NCALD: variants seen among roughly 807,000 people sequenced by gnomAD.
The protein encoded by NCALD is neurocalcin delta, also known as neurocalcin-delta.
Under a neutral mutation model 18.6 loss-of-function variants are expected in NCALD, and 10 were observed. That is an observed-to-expected ratio of 0.54 (90% CI 0.33 to 0.91). NCALD has a LOEUF of 0.91. Ranked by LOEUF, NCALD falls within the 40% of genes least tolerant of loss-of-function variation. The pLI is 0.03. For synonymous variants in NCALD, 88 were observed against 87.4 expected (o/e 1.01, Z -0.04); for missense variants, 184 against 247.6 (o/e 0.74, Z 1.72).
chr8:101,952,786 C>T (rs1338186400), intron 2 of NCALD, among the ~76,000 whole-genome samples: 1 of 152,188 alleles, frequency 6.6e-6, no homozygotes, highest in African/African-American at 2.4e-5. Context: ...CTAATTTTTT[C>T]CAGGGTGCTA....
intron 1 of NCALD, among the ~76,000 whole-genome samples, chr8:102,053,956 G>A (rs189869836): frequency 9.9e-5 from 15 of 152,080 alleles, no homozygotes; most frequent in African/African-American, 3.4e-4. Context: ...TCTTTCTAAC[G>A]TAGTAGAATA....
chr8:102,023,169 G>A lies in NCALD; in HGVS notation c.-209-2880C>T, dbSNP rs183869262. Among the ~76,000 whole-genome samples the A allele has an allele frequency of 1.4e-4, 21 of 152,302 alleles. No individual in the cohort carries two copies. The East Asian group carries it at 2.3e-3, about 17-fold the overall frequency. On this transcript the variant is annotated intron_variant, in intron 1 of 6. Transcript: ENST00000311028. ...CCGCCCTGAAGGCCCAGGCAGTGACGCTGACCACAGTTTCTAGCATCTGTT... is the reference window on the plus strand; with the variant it reads ...CCGCCCTGAAGGCCCAGGCAGTGACACTGACCACAGTTTCTAGCATCTGTT...
At chr8:101,879,714 G>A (rs1379058611) in intron 4 of NCALD, among the ~76,000 whole-genome samples, 1 of 152,184 alleles carries the variant, frequency 6.6e-6, no homozygotes, top group Non-Finnish European at 1.5e-5. Context: ...TTGACAGGGT[G>A]CTGATTGGTG....
chr8:101,822,342 T>C (rs995199968), intron 4 of NCALD, among the ~76,000 whole-genome samples: 15 of 152,294 alleles, frequency 9.8e-5, no homozygotes, highest in Middle Eastern at 3.4e-3. Context: ...CCATATTCCA[T>C]GGCAGGTTCA....
At chr8:101,721,485 CG>C (rs1394042019) in intron 1 of NCALD, 1 of 152,140 alleles carries the variant, frequency 6.6e-6, no homozygotes, top group African/African-American at 2.4e-5. Flanking sequence ...GCCAGAAGCA[CG>C]GGGGCTTGGT....
intron 2 of NCALD, among the ~76,000 whole-genome samples, chr8:101,931,066 T>A (rs1213282650): frequency 2.0e-5 from 3 of 152,176 alleles, no homozygotes; most frequent in East Asian, 3.9e-4. Context: ...CTGTCCCTGG[T>A]GTCACTAAGC....
intron 4 of NCALD, among the ~76,000 whole-genome samples, chr8:101,879,366 C>A (rs1816376683): frequency 6.6e-6 from 1 of 152,130 alleles, no homozygotes; most frequent in East Asian, 1.9e-4. Context: ...TGCAGACCTT[C>A]GCGGGGAGTA....
At chr8:101,791,657 G>A (rs942223958), upstream of NCALD, among the ~76,000 whole-genome samples, 1 of 152,132 alleles carries the variant, frequency 6.6e-6, no homozygotes, top group Non-Finnish European at 1.5e-5. Context: ...TTCCTGTACT[G>A]TAAAATGTCT....
chr8:101,800,926 AAGGGGAGGGGAGAGGAAGGGAGAAG>A (rs1313453067), intron 4 of NCALD, among the ~76,000 whole-genome samples: 1 of 49,970 alleles, frequency 2.0e-5, no homozygotes, highest in Non-Finnish European at 3.4e-5. Context: ...GGGGGGAGAG[AAGGGGAGGGGAGAGGAAGGGAGAAG>A]AGGGGAGGGG....
intron 2 of NCALD, among the ~76,000 whole-genome samples, chr8:101,715,010 A>G (rs1172041960): frequency 6.9e-6 from 1 of 145,358 alleles, no homozygotes; most frequent in East Asian, 2.1e-4. Context: ...TCTCAAAAAA[A>G]AAAAAAGAAC....
intron 2 of NCALD, among the ~76,000 whole-genome samples, chr8:101,925,709 C>T (rs1233119291): frequency 2.0e-5 from 3 of 152,040 alleles, no homozygotes; most frequent in African/African-American, 7.2e-5. Flanking sequence ...AGAACAGAAC[C>T]CCATACCTAA....
chr8:101,926,588 T>A (rs912236182), intron 2 of NCALD, among the ~76,000 whole-genome samples: 1 of 152,220 alleles, frequency 6.6e-6, no homozygotes, highest in Non-Finnish European at 1.5e-5. Context: ...TTAACTTAAA[T>A]AAGTTAAATA....
intron 1 of NCALD, among the ~76,000 whole-genome samples, chr8:101,722,030 T>C (rs1395751280): frequency 1.3e-5 from 2 of 152,064 alleles, no homozygotes; most frequent in East Asian, 3.9e-4. Flanking sequence ...TTTGTAGAGA[T>C]GGGGGTCTCA....
intron 1 of NCALD, among the ~76,000 whole-genome samples, chr8:102,122,688 C>A (rs375263182): frequency 6.6e-6 from 1 of 152,314 alleles, no homozygotes; most frequent in East Asian, 1.9e-4. Flanking sequence ...CTATTATCAA[C>A]CTCATGCCTC....
At chr8:101,829,880 G>A (rs1230838844) in intron 4 of NCALD, among the ~76,000 whole-genome samples, 1 of 151,282 alleles carries the variant, frequency 6.6e-6, no homozygotes, top group East Asian at 1.9e-4. Context: ...ACTAATAAAG[G>A]CATTTGGCAT....
chr8:101,854,112 T>TACTCTAAAA (rs1815207429), intron 4 of NCALD, among the ~76,000 whole-genome samples: 1 of 152,218 alleles, frequency 6.6e-6, no homozygotes, highest in African/African-American at 2.4e-5. Flanking sequence ...GTGAAACCTT[T>TACTCTAAAA]AGTTCTACTT....
At chr8:101,784,832 C>A (rs1417085838) in intron 1 of NCALD, among the ~76,000 whole-genome samples, 1 of 152,006 alleles carries the variant, frequency 6.6e-6, no homozygotes, top group Non-Finnish European at 1.5e-5. Context: ...GTAATGGATT[C>A]AATTGTAAGG....
chr8:102,009,372 A>C (rs937506627), intron 2 of NCALD, among the ~76,000 whole-genome samples: 14 of 152,208 alleles, frequency 9.2e-5, no homozygotes, highest in South Asian at 2.1e-4. Flanking sequence ...AGAAGGGGAG[A>C]GGTTGCCTGT....
chr8:101,928,306 A>G (rs1818412624), intron 2 of NCALD, among the ~76,000 whole-genome samples: 1 of 152,206 alleles, frequency 6.6e-6, no homozygotes, highest in South Asian at 2.1e-4. Flanking sequence ...CTTAACTATT[A>G]TGCTGTACTT....
Sources: gnomAD v4.1 joint callset for allele counts (sites outside exome capture counted in the v4.1 genomes callset) on GRCh38, gnomAD v4.1.1 for gene constraint, MANE v1.5 for transcripts, NCBI Gene and HGNC (gene_info 2026-07-23, HGNC 2026-07-21) for gene names.